Variants in DYNC1H1 observed in about 807,000 individuals in gnomAD.
DYNC1H1 encodes the protein dynein cytoplasmic 1 heavy chain 1, also known as cytoplasmic dynein 1 heavy chain 1.
A neutral mutation model predicts 527.1 loss-of-function variants in DYNC1H1; 51 were observed. The observed-to-expected ratio is 0.10, with a 90% CI of 0.08 to 0.12. DYNC1H1 has a LOEUF of 0.12. DYNC1H1 is among the 10% of genes least tolerant of loss of function. The pLI is 1.00. For synonymous variants in DYNC1H1, 2,189 were observed against 2,278.8 expected (o/e 0.96, Z 1.12); for missense variants, 2,771 against 5,971.8 (o/e 0.46, Z 17.66).
intron 1 of DYNC1H1, among the ~76,000 whole-genome samples, chr14:101,967,176 A>G (rs1206797135): frequency 2.0e-5 from 3 of 152,212 alleles, no homozygotes; most frequent in South Asian, 2.1e-4. Flanking sequence ...CACCTTAGAT[A>G]TAAGTAGAGA....
At chr14:102,050,297 G>A in intron 77 of DYNC1H1, 99 bp downstream of exon 77, 2 of 1,610,880 alleles carry the variant, frequency 1.2e-6, no homozygotes, top group Non-Finnish European at 1.7e-6. Context: ...ACTTGGAACG[G>A]GAAATGAGGT....
At chr14:102,007,858 C>T (rs994850171) in intron 28 of DYNC1H1, among the ~76,000 whole-genome samples, 4 of 152,198 alleles carry the variant, frequency 2.6e-5, no homozygotes, top group Non-Finnish European at 5.9e-5. Flanking sequence ...ATCAAGGTGC[C>T]AGCGGGGTTC....
At position 101,986,422 on chromosome 14, in the gene DYNC1H1, C is replaced by G; in HGVS notation, c.2197C>G (p.Leu733Val). Residue 733 changes from leucine (L) to valine (V), a missense_variant, in exon 8 of 78, where the codon CTT becomes GTT. Transcript: ENST00000360184. The surrounding 1 kb of genome is among the most constrained non-coding windows in gnomAD (Gnocchi z 8.7). Reference protein sequence around the residue: ...TRVRGRTGNVLKLKVNFLPEI... With the variant: ...TRVRGRTGNVVKLKVNFLPEI... The stretch of plus-strand genomic sequence containing the variant: ...GGTTCGGGGCCGAACTGGAAATGTG[C>G]TTAAGCTGAAAGTTAACTTTCTTCC... 6.2e-7 allele frequency: 1 copy of G among 1,614,138 alleles called. No individual in the cohort carries two copies. The highest frequency in any genetic ancestry group is 8.5e-7 in the Non-Finnish European group (1 of 1,180,030).
chr14:102,035,237 TAAAAA>T (rs1465482225), intron 56 of DYNC1H1: 2 of 152,024 alleles, frequency 1.3e-5, no homozygotes, highest in East Asian at 1.9e-4. Context: ...CTCAAAAAAA[TAAAAA>T]TAAAGTGGAT....
At chr14:102,013,331 G>C (rs1490810656) in intron 34 of DYNC1H1, among the ~76,000 whole-genome samples, 1 of 150,854 alleles carries the variant, frequency 6.6e-6, no homozygotes. Context: ...AAAATGAATA[G>C]TGATTGGTGC....
In DYNC1H1 at chr14:101,981,732, A is replaced by AT. The variant is rs557868691; in HGVS notation, c.961+1189dup. ...TCACTATGCTGAAATGTATACTTTG[A>AT]TTTTTTTAACACCTCTGAAACTTTT... On this transcript the variant is annotated intron_variant, in intron 5 of 77. Transcript: ENST00000360184. Among the ~76,000 whole-genome samples, 25 of 152,256 alleles carry AT rather than the reference A, an allele frequency of 1.6e-4. No individual in the cohort carries two copies. The South Asian group carries it at 4.4e-3, about 27-fold the overall frequency.
In DYNC1H1 at chr14:102,012,813, G is replaced by A; in HGVS notation, c.7014+343G>A. 2 of 368,912 alleles carry A rather than the reference G, an allele frequency of 5.4e-6. No homozygotes were observed. The highest frequency in any genetic ancestry group is 2.3e-5 in the South Asian group (1 of 44,154). The allele number at this position is 368,912 out of a possible 1,614,324, so 22.9% of individuals were successfully genotyped here. On this transcript the variant is annotated intron_variant, in intron 34 of 77. Coordinates refer to ENST00000360184, the MANE Select transcript of DYNC1H1 (RefSeq NM_001376.5). The surrounding 1 kb of genome is among the most constrained non-coding windows in gnomAD (Gnocchi z 4.9). ...TGGGAAAATGAGAAATTTGGAATGG[G>A]GCTTTCTAGGCTGTCCCTTGGAAAA...
At chr14:101,988,280 TC>T (rs1450269536) in intron 9 of DYNC1H1, among the ~76,000 whole-genome samples, 2 of 152,108 alleles carry the variant, frequency 1.3e-5, no homozygotes, top group Non-Finnish European at 1.5e-5. Context: ...ACCCTGCCAC[TC>T]CCCAACACCC....
chr14:101,981,324 C>T (rs1160415036), intron 5 of DYNC1H1, among the ~76,000 whole-genome samples: 1 of 152,126 alleles, frequency 6.6e-6, no homozygotes, highest in African/African-American at 2.4e-5. Context: ...GGACTTGCCA[C>T]GTTGCCCATG....
In DYNC1H1 at chr14:102,015,887, C is replaced by T. The variant is rs1406145337; in HGVS notation, c.7274C>T (p.Pro2425Leu). ...AGAGATGCAGCTACGATCATGCAAC[C>T]GTACTTCACGTCCAACGGCCTGGTC... ...IQRDAATIMQ[P>L]YFTSNGLVTK... is the part of the protein sequence containing the mutation. Residue 2425 changes from proline (P) to leucine (L), a missense_variant, in exon 36 of 78, where the codon CCG becomes CTG. By Grantham distance (98) the Pro-to-Leu change is moderately conservative. Transcript: ENST00000360184. This position sits in a 1 kb window ranked among gnomAD's most constrained non-coding sequence, Gnocchi z 6.9. The T allele has an allele frequency of 2.5e-6, 4 of 1,614,268 alleles. No homozygotes were observed. The highest frequency in any genetic ancestry group is 1.3e-5 in the African/African-American group (1 of 75,080).
At position 102,015,028 on chromosome 14, in the gene DYNC1H1, A is replaced by G. The variant is rs1043080054; in HGVS notation, c.7015-77A>G. 2.3e-5 allele frequency: 36 copies of G among 1,532,082 alleles called. No individual in the cohort carries two copies. The highest frequency in any genetic ancestry group is 3.1e-5 in the Non-Finnish European group (34 of 1,108,040). The allele number at this position is 1,532,082 out of a possible 1,614,324, so 94.9% of individuals were successfully genotyped here. A position where few individuals can be genotyped will look rare whatever the true frequency, so the allele number is the denominator to read the frequency against. On this transcript the variant is annotated intron_variant, in intron 34 of 77. Transcript: ENST00000360184. This position sits in a 1 kb window ranked among gnomAD's most constrained non-coding sequence, Gnocchi z 6.9. ...GTTTAAAGTCACCCTTTCAGTGTATATATAGGTAAAAGAATCTTAATGTCC... is the reference window on the plus strand; with the variant it reads ...GTTTAAAGTCACCCTTTCAGTGTATGTATAGGTAAAAGAATCTTAATGTCC...
intron 2 of DYNC1H1, among the ~76,000 whole-genome samples, chr14:101,978,472 G>A (rs1297117816): frequency 2.0e-5 from 3 of 152,066 alleles, no homozygotes; most frequent in Admixed American, 6.6e-5. Flanking sequence ...CATGCCTGGC[G>A]TATGAAGTAT....
intron 29 of DYNC1H1, 168 bp from the exon 30 acceptor site, chr14:102,009,673 ATG>A: frequency 1.0e-6 from 1 of 985,098 alleles, no homozygotes; most frequent in Non-Finnish European, 1.5e-6. Context: ...GGCTGGGAGA[ATG>A]TGGCTGGTGG....
At chr14:101,980,703 G>C (rs911033105) in intron 5 of DYNC1H1, among the ~76,000 whole-genome samples, 153 bp downstream of exon 5, 2 of 152,078 alleles carry the variant, frequency 1.3e-5, no homozygotes, top group Non-Finnish European at 2.9e-5. Flanking sequence ...CTTTCCCTCA[G>C]TTCCAAGTAA....
Position 102,005,338 on chromosome 14 carries a change from A to T in DYNC1H1, c.5433+102A>T. 2.7e-6 allele frequency: 4 copies of T among 1,486,298 alleles called. No individual in the cohort carries two copies. Among genetic ancestry groups the T allele is most frequent in the Non-Finnish European group, 3.7e-6 (4 of 1,073,676 alleles). 92.1% of individuals were successfully genotyped at this position (1,486,298 alleles called of 1,614,324 possible). A position where few individuals can be genotyped will look rare whatever the true frequency, so the allele number is the denominator to read the frequency against. On this transcript the variant is annotated intron_variant, in intron 26 of 77. Transcript: ENST00000360184. The surrounding 1 kb of genome is among the most constrained non-coding windows in gnomAD (Gnocchi z 4.0). ...CTTGAAAAAGGTTTCAGGTAGTATCAAGGAGAACAGTGGATGGTGTATGGA... is the reference window on the plus strand; with the variant it reads ...CTTGAAAAAGGTTTCAGGTAGTATCTAGGAGAACAGTGGATGGTGTATGGA...
In DYNC1H1 at chr14:101,994,601, G is replaced by C. The variant is rs2048036958; in HGVS notation, c.3157-72G>C. ...GACATGAACCTTCTTAATGGAATGT[G>C]AACATAAGAGGTGCCAGTATTCTAC... On this transcript the variant is annotated intron_variant, in intron 12 of 77. Transcript: ENST00000360184. The C allele has an allele frequency of 1.9e-6, 3 of 1,575,618 alleles. No individual in the cohort carries two copies. The East Asian group carries it at 6.7e-5, about 35-fold the overall frequency.
In DYNC1H1 at chr14:102,005,828, G is replaced by A. The variant is rs17541033; in HGVS notation, c.5434-60G>A. The A allele has an allele frequency of 1.9e-5, 31 of 1,605,408 alleles. No individual in the cohort carries two copies. The highest frequency in any genetic ancestry group is 3.6e-4 in the Middle Eastern group (2 of 5,572). On this transcript the variant is annotated intron_variant, in intron 26 of 77. Transcript: ENST00000360184. The surrounding 1 kb of genome is among the most constrained non-coding windows in gnomAD (Gnocchi z 4.0). ...TTTCAGTTTAACAGTCCACAAACCC[G>A]GAGAATGCACTGTATTGCTTTAGTG... is the stretch of plus-strand genomic sequence containing the variant.
At position 102,050,923 on chromosome 14, in the gene DYNC1H1, A is replaced by C. The variant is rs1391012808; in HGVS notation, c.*360A>C. 2.8e-6 allele frequency: 1 copy of C among 358,944 alleles called. No homozygotes were observed. The highest frequency in any genetic ancestry group is 5.4e-6 in the Non-Finnish European group (1 of 186,088). The allele number at this position is 358,944 out of a possible 1,614,324, so 22.2% of individuals were successfully genotyped here. A position where few individuals can be genotyped will look rare whatever the true frequency, so the allele number is the denominator to read the frequency against. The stretch of plus-strand genomic sequence containing the variant: ...CGCTTTCATCATGAGCTCGCTCCCG[A>C]GCGGCCACAGCACTCATGAATGAAG... On this transcript the variant is annotated 3_prime_UTR_variant, in exon 78 of 78. Coordinates refer to ENST00000360184, the MANE Select transcript of DYNC1H1 (RefSeq NM_001376.5).
intron 43 of DYNC1H1, among the ~76,000 whole-genome samples, chr14:102,025,673 G>A (rs1374131117): frequency 6.6e-6 from 1 of 151,942 alleles, no homozygotes; most frequent in African/African-American, 2.4e-5. Flanking sequence ...TTTCCTTATG[G>A]ACACCCATTA....
Sources: allele counts gnomAD v4.1 joint callset (sites outside exome capture counted in the v4.1 genomes callset), GRCh38; gene constraint gnomAD v4.1.1; non-coding constraint Gnocchi (gnomAD v3.1); transcripts MANE v1.5; gene names NCBI Gene and HGNC (gene_info 2026-07-23, HGNC 2026-07-21).